The following DCHS2 variants were observed in gnomAD, a reference collection of about 807,000 sequenced individuals.
The protein encoded by DCHS2 is dachsous cadherin-related 2, also known as protocadherin-23.
A neutral mutation model predicts 182.4 loss-of-function variants in DCHS2; 142 were observed. The observed-to-expected ratio is 0.78, with a 90% CI of 0.68 to 0.89. The LOEUF (loss-of-function observed/expected upper bound fraction) is 0.89, where lower values mean the gene tolerates loss of function less well. Among genes scored for constraint, DCHS2 ranks in the 40% least tolerant of loss-of-function variants. DCHS2 has a pLI of 0.00. For missense variants in DCHS2, 4,319 were observed against 4,198.6 expected (o/e 1.03, Z -0.79); for synonymous variants, 1,740 against 1,663.3 (o/e 1.05, Z -1.12).
At chr4:154,345,979 T>C (rs542316923) in intron 3 of DCHS2, among the ~76,000 whole-genome samples, 154 of 152,308 alleles carry the variant, frequency 1.0e-3, no homozygotes, top group African/African-American at 3.6e-3. Context: ...AATCAGTGTC[T>C]GGACAGGGCT....
At chr4:154,417,713 G>C (rs911956653) in intron 1 of DCHS2, among the ~76,000 whole-genome samples, 2 of 152,166 alleles carry the variant, frequency 1.3e-5, no homozygotes, top group Admixed American at 6.5e-5. Flanking sequence ...GGGGAAAAAA[G>C]TGTCCTGGTT....
intron 1 of DCHS2, among the ~76,000 whole-genome samples, chr4:154,464,847 T>C (rs1735171775): frequency 6.6e-6 from 1 of 152,180 alleles, no homozygotes; most frequent in Non-Finnish European, 1.5e-5. Context: ...CCCTAAAGGC[T>C]GTTCCTGAGG....
chr4:154,484,803 G>A (rs148155625), intron 1 of DCHS2, among the ~76,000 whole-genome samples: 41 of 152,242 alleles, frequency 2.7e-4, no homozygotes, highest in African/African-American at 9.4e-4. Context: ...TCGATTTATT[G>A]TAAGATTTCA....
At chr4:154,475,895 A>T (rs1049350621) in intron 1 of DCHS2, among the ~76,000 whole-genome samples, 2 of 152,220 alleles carry the variant, frequency 1.3e-5, no homozygotes, top group African/African-American at 4.8e-5. Context: ...CACACAGCTT[A>T]TGAAACACAG....
At chr4:154,369,606 T>G (rs1276666303) in intron 2 of DCHS2, among the ~76,000 whole-genome samples, 1 of 152,216 alleles carries the variant, frequency 6.6e-6, no homozygotes. Context: ...CCTTAAAAAC[T>G]ATATAAGATA....
At chr4:154,253,979 A>C (rs563011279) in intron 16 of DCHS2, among the ~76,000 whole-genome samples, 1 of 152,328 alleles carries the variant, frequency 6.6e-6, no homozygotes, top group South Asian at 2.1e-4. Context: ...TCTACAGTGG[A>C]AAGACTGTGA....
chr4:154,432,412 T>C (rs1169082370), intron 1 of DCHS2, among the ~76,000 whole-genome samples: 1 of 152,158 alleles, frequency 6.6e-6, no homozygotes, highest in African/African-American at 2.4e-5. Context: ...AGTGCCTCAT[T>C]TTCTTTATCA....
chr4:154,336,941 A>G (rs1399960280), intron 3 of DCHS2, among the ~76,000 whole-genome samples: 2 of 152,162 alleles, frequency 1.3e-5, no homozygotes, highest in African/African-American at 4.8e-5. Flanking sequence ...TCCAGATACA[A>G]TTTTACTGTT....
intron 5 of DCHS2, among the ~76,000 whole-genome samples, chr4:154,330,822 A>C (rs1442922049): frequency 6.6e-6 from 1 of 151,896 alleles, no homozygotes; most frequent in Non-Finnish European, 1.5e-5. Context: ...CGGTGGTTTT[A>C]ATATAGATCA....
At chr4:154,400,523 G>A (rs979287052) in intron 1 of DCHS2, among the ~76,000 whole-genome samples, 1 of 152,140 alleles carries the variant, frequency 6.6e-6, no homozygotes, top group Admixed American at 6.5e-5. Context: ...TGACACCCTT[G>A]CAAATCAGAG....
Position 154,333,204 on chromosome 4 carries a change from G to A in DCHS2, c.3004C>T (p.Arg1002Cys). Residue 1002 changes from arginine to cysteine, a missense_variant, in exon 5 of 20, where the codon CGT (arginine) becomes TGT (cysteine). Coordinates refer to ENST00000357232, the MANE Select transcript of DCHS2 (RefSeq NM_001358235.2). ...TPPGTALYLARAEDRDSGRNG... is the reference protein window; with the variant it reads ...TPPGTALYLACAEDRDSGRNG... ...CGCCCACTGTCTCTGTCTTCCGCAC[G>A]TGCGAGGTACAAGGCTGTGCCAGGG... The A allele has an allele frequency of 6.2e-7, 1 of 1,614,246 alleles. No homozygotes were observed. Among genetic ancestry groups the A allele is most frequent in the African/African-American group, 1.3e-5 (1 of 75,080 alleles).
chr4:154,308,680 TATCTC>T (rs1330268536), intron 10 of DCHS2, among the ~76,000 whole-genome samples: 1 of 152,188 alleles, frequency 6.6e-6, no homozygotes, highest in Non-Finnish European at 1.5e-5. Flanking sequence ...ATAGAAGACT[TATCTC>T]AGGTATATAG....
chr4:154,379,660 T>C (rs556256989), intron 1 of DCHS2, among the ~76,000 whole-genome samples: 1 of 152,190 alleles, frequency 6.6e-6, no homozygotes, highest in Non-Finnish European at 1.5e-5. Context: ...ACAATATTTG[T>C]GCTCTTATTA....
At chr4:154,333,701 G>A in intron 4 of DCHS2, 1 of 606,212 alleles carries the variant, frequency 1.6e-6, no homozygotes, top group Non-Finnish European at 2.9e-6. Context: ...CTTACCATTG[G>A]GGTACAACTG....
Position 154,320,548 on chromosome 4 carries a change from G to A in DCHS2, c.4851C>T (p.Asn1617=), listed in dbSNP as rs1274396045. The change falls in exon 9 of 20, where the codon AAC becomes AAT. Residue 1617 remains asparagine, a synonymous_variant. Transcript: ENST00000357232. ...CATTGGGGAAAGAAATAAAAGTGGGGTTGTGGTCATTTACATCCAAAATCA... is the reference window on the plus strand; with the variant it reads ...CATTGGGGAAAGAAATAAAAGTGGGATTGTGGTCATTTACATCCAAAATCA... ...QIVILDVNDH[N]PTFISFPNAH... 3.1e-6 allele frequency: 5 copies of A among 1,614,076 alleles called. No individual in the cohort carries two copies. The highest frequency in any genetic ancestry group is 4.2e-6 in the Non-Finnish European group (5 of 1,180,008).
intron 1 of DCHS2, among the ~76,000 whole-genome samples, chr4:154,394,851 A>G (rs1160718859): frequency 6.6e-6 from 1 of 152,196 alleles, no homozygotes; most frequent in Non-Finnish European, 1.5e-5. Flanking sequence ...AAGTCTCAAA[A>G]CTGCATGGCC....
At chr4:154,333,625 T>C (rs1728624878) in intron 4 of DCHS2, 131 bp from the exon 5 acceptor site, 2 of 862,044 alleles carry the variant, frequency 2.3e-6, no homozygotes, top group Non-Finnish European at 1.7e-6. Context: ...ACATATACTA[T>C]GATGGTTCCG....
intron 16 of DCHS2, among the ~76,000 whole-genome samples, chr4:154,249,458 T>C (rs1732243406): frequency 6.6e-6 from 1 of 152,154 alleles, no homozygotes; most frequent in Non-Finnish European, 1.5e-5. Context: ...AAGGGAACAT[T>C]AATACATTGT....
Position 154,290,412 on chromosome 4 carries a change from T to G in DCHS2, c.6463+7439A>C, listed in dbSNP as rs1734600761. ...AATGCAATCCCTACTAAAATACCAA[T>G]GACGTTCTTCATAGAAATAGAAAAA... is the stretch of plus-strand genomic sequence containing the variant. On this transcript the variant is annotated intron_variant, in intron 13 of 19. Coordinates refer to ENST00000357232, the MANE Select transcript of DCHS2 (RefSeq NM_001358235.2). Among the ~76,000 whole-genome samples the G allele has an allele frequency of 2.0e-5, 3 of 152,128 alleles. No individual in the cohort carries two copies. In the South Asian group the frequency reaches 6.2e-4, roughly 32 times the overall value.
Sources: allele counts gnomAD v4.1 joint callset (sites outside exome capture counted in the v4.1 genomes callset), GRCh38; gene constraint gnomAD v4.1.1; transcripts MANE v1.5; gene names NCBI Gene and HGNC (gene_info 2026-07-23, HGNC 2026-07-21).